The following TSPAN2 variants were observed in gnomAD, a reference collection of about 807,000 sequenced individuals.
The protein encoded by TSPAN2 is tetraspanin-2.
Under a neutral mutation model 33.3 loss-of-function variants are expected in TSPAN2, and 24 were observed. The observed-to-expected ratio is 0.72, with a 90% CI of 0.52 to 1.01. The LOEUF is 1.01. Among genes scored for constraint, TSPAN2 ranks in the 50% least tolerant of loss-of-function variants. The probability of loss-of-function intolerance (pLI) is 0.00; values close to 1 mark genes in which losing one functional copy is unlikely to be tolerated. For synonymous variants in TSPAN2, 114 were observed against 104.5 expected (o/e 1.09, Z -0.56); for missense variants, 278 against 281.3 (o/e 0.99, Z 0.08).
intron 1 of TSPAN2, among the ~76,000 whole-genome samples, chr1:115,076,359 G>A (rs563978300): frequency 4.6e-5 from 7 of 152,190 alleles, no homozygotes; most frequent in African/African-American, 1.2e-4. Flanking sequence ...CTACCATCTT[G>A]GAAAGCCCAT....
chr1:115,058,872 A>T lies in TSPAN2; in HGVS notation c.444+11T>A, dbSNP rs751977794. 2.1e-5 allele frequency: 33 copies of T among 1,589,568 alleles called. No individual in the cohort carries two copies. Among genetic ancestry groups the T allele is most frequent in the Non-Finnish European group, 2.7e-5 (31 of 1,157,892 alleles). On this transcript the variant is annotated intron_variant, in intron 5 of 7. Coordinates refer to ENST00000369516, the MANE Select transcript of TSPAN2 (RefSeq NM_005725.6). ...AAGCTGTGATTTTAAGGAAGAAGTG[A>T]AGTTACTCACTGTTGAGTGGAAGGT... is the stretch of plus-strand genomic sequence containing the variant.
Position 115,067,869 on chromosome 1 carries a change from T to C in TSPAN2, c.172+5036A>G, listed in dbSNP as rs1973937. ...GCTGAGGGGCTCGCTCCCTACTCTG[T>C]AACTCTAGAAAGAAGACCCCTGGGG... On this transcript the variant is annotated intron_variant, in intron 2 of 7. Transcript: ENST00000369516. Among the ~76,000 whole-genome samples, 576 of 152,274 alleles carry C rather than the reference T, an allele frequency of 3.8e-3. 4 individuals carry two copies. The highest frequency in any genetic ancestry group is 0.013 in the African/African-American group (550 of 41,542).
intron 2 of TSPAN2, among the ~76,000 whole-genome samples, chr1:115,066,054 C>T (rs1365539912): frequency 1.3e-5 from 2 of 152,182 alleles, no homozygotes; most frequent in Non-Finnish European, 2.9e-5. Context: ...CTAGTTCCAT[C>T]CATGCTGCTA....
intron 1 of TSPAN2, among the ~76,000 whole-genome samples, chr1:115,080,800 C>G (rs1318315901): frequency 6.6e-6 from 1 of 152,210 alleles, no homozygotes; most frequent in Non-Finnish European, 1.5e-5. Context: ...TTCAGCGGAC[C>G]TCCTCCTTGG....
intron 1 of TSPAN2, among the ~76,000 whole-genome samples, chr1:115,077,093 A>AT (rs1202098597): frequency 2.0e-5 from 3 of 151,784 alleles, no homozygotes; most frequent in Non-Finnish European, 4.4e-5. Context: ...TAATTTTTGT[A>AT]TTTTTTGTAG....
chr1:115,088,286 A>G (rs1164556659), intron 1 of TSPAN2, among the ~76,000 whole-genome samples: 1 of 152,200 alleles, frequency 6.6e-6, no homozygotes, highest in African/African-American at 2.4e-5. Flanking sequence ...TCATGGGAAG[A>G]CAACGTCCCC....
intron 1 of TSPAN2, among the ~76,000 whole-genome samples, chr1:115,085,032 A>G (rs1293106309): frequency 6.6e-6 from 1 of 152,196 alleles, no homozygotes; most frequent in Non-Finnish European, 1.5e-5. Context: ...CAATAAACCA[A>G]GGAATAAACA....
chr1:115,074,714 T>C (rs955906070), intron 1 of TSPAN2, among the ~76,000 whole-genome samples: 2 of 152,206 alleles, frequency 1.3e-5, no homozygotes, highest in East Asian at 1.9e-4. Flanking sequence ...ACTTTAAAAA[T>C]ACATTTTTAA....
At chr1:115,075,129 GCTGT>G (rs1648352482) in intron 1 of TSPAN2, among the ~76,000 whole-genome samples, 1 of 152,178 alleles carries the variant, frequency 6.6e-6, no homozygotes, top group Non-Finnish European at 1.5e-5. Context: ...CTAATTTATA[GCTGT>G]CTGGGATTAT....
chr1:115,080,865 C>G (rs1648598215), intron 1 of TSPAN2, among the ~76,000 whole-genome samples: 1 of 152,178 alleles, frequency 6.6e-6, no homozygotes, highest in Admixed American at 6.5e-5. Context: ...AATCACTTAT[C>G]TTGGAGGCCA....
At chr1:115,088,303 A>G (rs1967710) in intron 1 of TSPAN2, among the ~76,000 whole-genome samples, 64,825 of 152,034 alleles carry the variant, frequency 0.43, 14,422 homozygotes, top group South Asian at 0.55. Flanking sequence ...CCCCCAGAGC[A>G]GATAGGACAG....
chr1:115,071,238 T>A (rs1339381254), intron 2 of TSPAN2, among the ~76,000 whole-genome samples: 2 of 152,220 alleles, frequency 1.3e-5, no homozygotes, highest in African/African-American at 2.4e-5. Context: ...GGTTTAGGCA[T>A]GAATACAGAA....
chr1:115,079,380 G>A (rs1170111142), intron 1 of TSPAN2, among the ~76,000 whole-genome samples: 8 of 152,086 alleles, frequency 5.3e-5, no homozygotes, highest in African/African-American at 1.9e-4. Context: ...CACATAATGA[G>A]CACTTATGAT....
intron 2 of TSPAN2, among the ~76,000 whole-genome samples, chr1:115,070,804 T>C (rs1406354403): frequency 6.6e-6 from 1 of 152,196 alleles, no homozygotes; most frequent in Non-Finnish European, 1.5e-5. Context: ...TGGCATTTAG[T>C]CACATACTAA....
rs545022728 is a variant in TSPAN2, at chr1:115,088,821, C to T, written c.69+543G>A. On this transcript the variant is annotated intron_variant, in intron 1 of 7. Transcript: ENST00000369516. Reference sequence around the variant, plus strand: ...TGCCCAGAAAAAGGACGACGCCCCCCCACCACAATTTTCACTCCTATCTCC... The same window carrying T: ...TGCCCAGAAAAAGGACGACGCCCCCTCACCACAATTTTCACTCCTATCTCC... 2.0e-5 allele frequency among the ~76,000 whole-genome samples: 3 copies of T among 152,250 alleles called. No individual in the cohort carries two copies. In the East Asian group the frequency reaches 5.8e-4, roughly 29 times the overall value.
At chr1:115,077,972 G>T (rs930375096) in intron 1 of TSPAN2, among the ~76,000 whole-genome samples, 4 of 152,304 alleles carry the variant, frequency 2.6e-5, no homozygotes, top group Admixed American at 6.5e-5. Flanking sequence ...ACTAAGTCCA[G>T]CAAAAAAGCC....
intron 1 of TSPAN2, among the ~76,000 whole-genome samples, chr1:115,087,271 AG>A (rs982855031): frequency 6.6e-6 from 1 of 152,044 alleles, no homozygotes; most frequent in Non-Finnish European, 1.5e-5. Context: ...CTGCTGGCCC[AG>A]GAACCACTTT....
At chr1:115,062,366 G>C in intron 2 of TSPAN2, 134 bp from the exon 3 acceptor site, 1 of 658,382 alleles carries the variant, frequency 1.5e-6, no homozygotes, top group Admixed American at 3.0e-5. Flanking sequence ...TGCCATGTTT[G>C]ACACGGAGGA....
chr1:115,070,219 T>C (rs1474121328), intron 2 of TSPAN2, among the ~76,000 whole-genome samples: 1 of 152,188 alleles, frequency 6.6e-6, no homozygotes, highest in African/African-American at 2.4e-5. Flanking sequence ...CTACCTCTTT[T>C]GCCATTTTGA....
Sources: gnomAD v4.1 joint callset for allele counts (sites outside exome capture counted in the v4.1 genomes callset) on GRCh38, gnomAD v4.1.1 for gene constraint, MANE v1.5 for transcripts, NCBI Gene and HGNC (gene_info 2026-07-23, HGNC 2026-07-21) for gene names.